Variants in NKAIN2 observed in about 807,000 individuals in gnomAD.
The protein encoded by NKAIN2 is sodium/potassium-transporting ATPase subunit beta-1-interacting protein 2.
NKAIN2 carries 14 observed loss-of-function variants against 32.6 expected under a neutral mutation model. The observed-to-expected ratio is 0.43, with a 90% CI of 0.28 to 0.67. The LOEUF (loss-of-function observed/expected upper bound fraction) is 0.67, where lower values mean the gene tolerates loss of function less well. Among genes scored for constraint, NKAIN2 ranks in the 30% least tolerant of loss-of-function variants. NKAIN2 has a pLI of 0.17. For synonymous variants in NKAIN2, 80 were observed against 87.2 expected, an observed-to-expected ratio of 0.92 and a Z score of 0.46; for missense variants, 198 against 258.3, an observed-to-expected ratio of 0.77 and a Z score of 1.60.
intron 1 of NKAIN2, among the ~76,000 whole-genome samples, chr6:124,171,349 A>G (rs1295309724): frequency 1.3e-5 from 2 of 152,094 alleles, no homozygotes; most frequent in African/African-American, 4.8e-5. Flanking sequence ...TGACCATGGT[A>G]ATTTGAAGTG....
intron 3 of NKAIN2, among the ~76,000 whole-genome samples, chr6:124,492,219 A>AT (rs1777892495): frequency 6.6e-6 from 1 of 152,000 alleles, no homozygotes; most frequent in Non-Finnish European, 1.5e-5. Flanking sequence ...GTTTGAAGAA[A>AT]TTTTTTTCTG....
chr6:124,239,680 A>G (rs946414003), intron 1 of NKAIN2, among the ~76,000 whole-genome samples: 2 of 152,184 alleles, frequency 1.3e-5, no homozygotes, highest in African/African-American at 4.8e-5. Flanking sequence ...AGAAATAAAG[A>G]TGTTCTTTGA....
chr6:124,622,679 G>A (rs1348091082), intron 3 of NKAIN2, among the ~76,000 whole-genome samples: 2 of 152,142 alleles, frequency 1.3e-5, no homozygotes, highest in African/African-American at 4.8e-5. Flanking sequence ...CTCTCAGCAG[G>A]GTGGATGGGG....
chr6:123,880,016 A>G (rs1773375865), intron 1 of NKAIN2, among the ~76,000 whole-genome samples: 1 of 152,156 alleles, frequency 6.6e-6, no homozygotes, highest in African/African-American at 2.4e-5. Context: ...CAAATTCAAT[A>G]TACTACTGCA....
At chr6:123,859,611 A>G (rs760047915) in intron 1 of NKAIN2, among the ~76,000 whole-genome samples, 5 of 152,216 alleles carry the variant, frequency 3.3e-5, no homozygotes, top group Non-Finnish European at 5.9e-5. Flanking sequence ...TGGTCCTGTT[A>G]TCTACCCCCT....
At chr6:124,806,246 C>T (rs1043337419) in intron 5 of NKAIN2, among the ~76,000 whole-genome samples, 3 of 152,184 alleles carry the variant, frequency 2.0e-5, no homozygotes, top group Non-Finnish European at 2.9e-5. Context: ...AGAGAAAGAT[C>T]GGGTTACACA....
At chr6:124,204,481 G>T (rs191587192) in intron 1 of NKAIN2, among the ~76,000 whole-genome samples, 1 of 151,644 alleles carries the variant, frequency 6.6e-6, no homozygotes, top group Non-Finnish European at 1.5e-5. Flanking sequence ...ATTTGAAATC[G>T]TAGGCCCAGA....
chr6:124,676,966 G>A (rs117532821), intron 4 of NKAIN2, among the ~76,000 whole-genome samples: 4,605 of 151,928 alleles, frequency 0.03, 86 homozygotes, highest in East Asian at 0.07. Flanking sequence ...TGTTGTTGTC[G>A]TTGTTGTTGT....
intron 1 of NKAIN2, among the ~76,000 whole-genome samples, chr6:124,017,331 G>T (rs1047852341): frequency 3.9e-5 from 6 of 152,212 alleles, no homozygotes; most frequent in African/African-American, 1.4e-4. Context: ...TTTCGGTGGG[G>T]ACACAGACGA....
At chr6:124,580,566 C>T (rs1388138643) in intron 3 of NKAIN2, among the ~76,000 whole-genome samples, 2 of 151,942 alleles carry the variant, frequency 1.3e-5, no homozygotes, top group South Asian at 2.1e-4. Context: ...AGAAAATTAC[C>T]TTCACTAAAA....
At chr6:123,939,309 C>T (rs974036367) in intron 1 of NKAIN2, among the ~76,000 whole-genome samples, 1 of 151,844 alleles carries the variant, frequency 6.6e-6, no homozygotes, top group African/African-American at 2.4e-5. Flanking sequence ...AAGTGTTAGT[C>T]TGCGCAGGTA....
rs138889727 is a variant in NKAIN2 at position 123,895,597 on chromosome 6, G to A, written c.54+91343G>A. ...GGTTAGGGTCACAGGAACATGAAATGTGGATGCTTAGACAAAGAAGACTGT... is the reference window on the plus strand; with the variant it reads ...GGTTAGGGTCACAGGAACATGAAATATGGATGCTTAGACAAAGAAGACTGT... On this transcript the variant is annotated intron_variant, in intron 1 of 6. Coordinates refer to ENST00000368417, the MANE Select transcript of NKAIN2 (RefSeq NM_001040214.3). Among the ~76,000 whole-genome samples the A allele has an allele frequency of 3.0e-3, 456 of 152,290 alleles. 1 individual carries two copies. Among genetic ancestry groups the A allele is most frequent in the African/African-American group, 0.01 (422 of 41,556 alleles).
intron 4 of NKAIN2, among the ~76,000 whole-genome samples, chr6:124,777,188 A>T (rs1301769400): frequency 1.3e-5 from 2 of 152,176 alleles, no homozygotes; most frequent in Admixed American, 1.3e-4. Context: ...GTATTTATTT[A>T]TGTTTACTTT....
Position 124,559,583 on chromosome 6 carries a change from C to G in NKAIN2, c.274-98603C>G, listed in dbSNP as rs150205291. 1.9e-3 allele frequency among the ~76,000 whole-genome samples: 289 copies of G among 152,280 alleles called. 2 individuals are homozygous for G. Among genetic ancestry groups the G allele is most frequent in the African/African-American group, 6.8e-3 (281 of 41,558 alleles). On this transcript the variant is annotated intron_variant, in intron 3 of 6. Coordinates refer to ENST00000368417, the MANE Select transcript of NKAIN2 (RefSeq NM_001040214.3). ...GATGAATTGTACTTTCATGCCACCT[C>G]AGAGTTAAGTTGGGCAATGTGATTC...
At chr6:123,873,574 G>A (rs2114294640) in intron 1 of NKAIN2, among the ~76,000 whole-genome samples, 1 of 152,272 alleles carries the variant, frequency 6.6e-6, no homozygotes, top group South Asian at 2.1e-4. Context: ...AGGAGAGAAA[G>A]GGGAACTTTA....
chr6:124,492,557 G>C lies in NKAIN2; in HGVS notation c.273+137210G>C, dbSNP rs986303756. 2.6e-5 allele frequency among the ~76,000 whole-genome samples: 4 copies of C among 151,840 alleles called. No homozygotes were observed. The South Asian group carries it at 8.3e-4, about 31-fold the overall frequency. On this transcript the variant is annotated intron_variant, in intron 3 of 6. Transcript: ENST00000368417. ...TTTTATTAGCACCATTAGGACTAAA[G>C]TCAGATTTCTCAGGACTAGATAGAT... is the stretch of plus-strand genomic sequence containing the variant.
At chr6:124,503,300 A>G (rs532428193) in intron 3 of NKAIN2, among the ~76,000 whole-genome samples, 1 of 152,292 alleles carries the variant, frequency 6.6e-6, no homozygotes, top group Admixed American at 6.5e-5. Context: ...ATTCAAGACT[A>G]CTACTTTTAG....
chr6:124,495,336 C>CT (rs1778022826), intron 3 of NKAIN2, among the ~76,000 whole-genome samples: 1 of 152,014 alleles, frequency 6.6e-6, no homozygotes, highest in Admixed American at 6.6e-5. Context: ...TATTTCTAAG[C>CT]TTTTTCTAAT....
rs1369109421 is a variant in NKAIN2, at chr6:123,964,850, G to C, written c.54+160596G>C. ...AGCATGTTTCCTGGTTCCATCATCT[G>C]GGCTCTCATTTTATTCCTTTTGCTC... is the stretch of plus-strand genomic sequence containing the variant. On this transcript the variant is annotated intron_variant, in intron 1 of 6. Transcript: ENST00000368417. The surrounding 1 kb of genome is among the most constrained non-coding windows in gnomAD (Gnocchi z 4.0). Among the ~76,000 whole-genome samples the C allele has an allele frequency of 1.3e-5, 2 of 151,974 alleles. No homozygotes were observed. Among genetic ancestry groups the C allele is most frequent in the Non-Finnish European group, 2.9e-5 (2 of 67,996 alleles).
Sources: gnomAD v4.1 joint callset for allele counts (sites outside exome capture counted in the v4.1 genomes callset) on GRCh38, gnomAD v4.1.1 for gene constraint, Gnocchi (gnomAD v3.1) non-coding constraint, MANE v1.5 for transcripts, NCBI Gene and HGNC (gene_info 2026-07-23, HGNC 2026-07-21) for gene names.